CHP1: variants seen among roughly 807,000 people sequenced by gnomAD.
CHP1 encodes calcineurin B homologous protein 1.
Under a neutral mutation model 27.4 loss-of-function variants are expected in CHP1, and 11 were observed. The observed-to-expected ratio is 0.40, with a 90% CI of 0.25 to 0.67. CHP1 has a LOEUF of 0.67. Among genes scored for constraint, CHP1 ranks in the 30% least tolerant of loss-of-function variants. The pLI is 0.38. For missense variants in CHP1, 169 were observed against 251.3 expected, an observed-to-expected ratio of 0.67 and a Z score of 2.22; for synonymous variants, 89 against 87.4, an observed-to-expected ratio of 1.02 and a Z score of -0.10.
chr15:41,247,446 G>T (rs2140927711), intron 2 of CHP1, among the ~76,000 whole-genome samples: 1 of 151,862 alleles, frequency 6.6e-6, no homozygotes, highest in East Asian at 1.9e-4. Flanking sequence ...GAGATGGGTG[G>T]ATCAGCTGAG....
At chr15:41,270,530 G>T (rs554968314) in intron 4 of CHP1, 27 bp from the exon 5 acceptor site, 76 of 1,587,694 alleles carry the variant, frequency 4.8e-5, no homozygotes, top group Non-Finnish European at 6.1e-5. Context: ...ACAGAATTTT[G>T]ACTAACTTTG....
intron 3 of CHP1, among the ~76,000 whole-genome samples, chr15:41,262,551 G>A (rs1486496829): frequency 1.3e-5 from 2 of 152,150 alleles, no homozygotes; most frequent in Non-Finnish European, 2.9e-5. Context: ...TTATAAAGTG[G>A]GAGTAATAGC....
chr15:41,264,064 C>T (rs1301320035), intron 4 of CHP1: 2 of 545,756 alleles, frequency 3.7e-6, no homozygotes, highest in Admixed American at 3.0e-5. Context: ...TTTCTCTTTA[C>T]TCTGCCATCC....
At position 41,278,787 on chromosome 15, in the gene CHP1, A is replaced by G; in HGVS notation, c.432A>G (p.Gly144=). The G allele has an allele frequency of 6.2e-7, 1 of 1,614,150 alleles. No individual in the cohort carries two copies. The highest frequency in any genetic ancestry group is 1.1e-5 in the South Asian group (1 of 91,092). ...TCCAGGTGCTACGCATGATGGTCGG[A>G]GTAAATATCTCAGATGAGCAGCTGG... ...ELLQVLRMMV[G]VNISDEQLGS... Residue 144 remains glycine, a synonymous_variant, in exon 6 of 7, where the codon GGA becomes GGG. Coordinates refer to ENST00000334660, the MANE Select transcript of CHP1 (RefSeq NM_007236.5).
chr15:41,256,645 C>T (rs1240242614), intron 2 of CHP1: 1 of 462,340 alleles, frequency 2.2e-6, no homozygotes, highest in Non-Finnish European at 3.9e-6. Flanking sequence ...ATTTGTCCAT[C>T]AGTTGGCTTA....
chr15:41,244,196 TAA>T (rs35765288), intron 2 of CHP1, among the ~76,000 whole-genome samples: 22 of 129,050 alleles, frequency 1.7e-4, no homozygotes, highest in Admixed American at 2.4e-4. Context: ...AGACTCCATC[TAA>T]AAAAAAAAAA....
chr15:41,250,728 CA>C (rs2047362189), intron 2 of CHP1, among the ~76,000 whole-genome samples: 1 of 149,808 alleles, frequency 6.7e-6, no homozygotes, highest in Non-Finnish European at 1.5e-5. Flanking sequence ...TAAGAAGGTT[CA>C]CCTAATGCTG....
intron 5 of CHP1, 57 bp from the exon 6 acceptor site, chr15:41,278,707 TTAG>T: frequency 6.2e-7 from 1 of 1,605,738 alleles, no homozygotes. Context: ...ATTTTTAATC[TTAG>T]TAAAGAGTCC....
chr15:41,272,359 G>C (rs1176522434), intron 5 of CHP1: 1 of 152,058 alleles, frequency 6.6e-6, no homozygotes, highest in African/African-American at 2.4e-5. Context: ...AATAAAGATA[G>C]TTACTCTTCT....
At chr15:41,264,871 C>T (rs1371751721) in intron 4 of CHP1, among the ~76,000 whole-genome samples, 1 of 152,124 alleles carries the variant, frequency 6.6e-6, no homozygotes, top group Non-Finnish European at 1.5e-5. Context: ...CCAGTAAAAC[C>T]GAAGCTATTC....
At chr15:41,240,027 C>T (rs888180660) in intron 1 of CHP1, among the ~76,000 whole-genome samples, 3 of 152,092 alleles carry the variant, frequency 2.0e-5, no homozygotes, top group African/African-American at 4.8e-5. Context: ...CCGCCCGCCT[C>T]GGCCTCCCAA....
chr15:41,280,505 A>ATT lies in CHP1; in HGVS notation c.*1142_*1143dup, dbSNP rs34921023. On this transcript the variant is annotated 3_prime_UTR_variant, in exon 7 of 7. Coordinates refer to ENST00000334660, the MANE Select transcript of CHP1 (RefSeq NM_007236.5). ...GGAAGTGCCTAATATCCCAGTCCAA[A>ATT]TTTTTTTTTTTTTTTTTTTTTTTTT... is the stretch of plus-strand genomic sequence containing the variant. 0.16 allele frequency: 17,673 copies of ATT among 111,286 alleles called. 2,625 individuals are homozygous for ATT. Among genetic ancestry groups the ATT allele is most frequent in the Non-Finnish European group, 0.21 (11,959 of 56,526 alleles). 6.9% of individuals were successfully genotyped at this position (111,286 alleles called of 1,614,324 possible).
chr15:41,231,625 G>T (rs534126977), intron 1 of CHP1, among the ~76,000 whole-genome samples, 176 bp downstream of exon 1: 1 of 152,180 alleles, frequency 6.6e-6, no homozygotes, highest in South Asian at 2.1e-4. Flanking sequence ...GCTTCCTGGA[G>T]CGGGGCTCTA....
chr15:41,237,944 G>A (rs2047285874), intron 1 of CHP1, among the ~76,000 whole-genome samples: 1 of 152,036 alleles, frequency 6.6e-6, no homozygotes, highest in Non-Finnish European at 1.5e-5. Flanking sequence ...TCTTGACCTC[G>A]TAATCCACCC....
chr15:41,238,271 C>T (rs1366265629), intron 1 of CHP1, among the ~76,000 whole-genome samples: 3 of 152,022 alleles, frequency 2.0e-5, no homozygotes, highest in African/African-American at 7.2e-5. Context: ...AGTCCTTCTG[C>T]CTCTGCCTCC....
At chr15:41,235,848 A>G (rs1478514132) in intron 1 of CHP1, among the ~76,000 whole-genome samples, 1 of 152,168 alleles carries the variant, frequency 6.6e-6, no homozygotes, top group Middle Eastern at 3.2e-3. Context: ...CACAGCCCTC[A>G]CCAGCCTGAA....
intron 3 of CHP1, among the ~76,000 whole-genome samples, chr15:41,260,510 T>C (rs896867548): frequency 3.3e-5 from 5 of 151,210 alleles, no homozygotes; most frequent in African/African-American, 4.9e-5. Flanking sequence ...TTCTCCTGCC[T>C]CAGGCTCTCA....
chr15:41,265,357 C>T, intron 4 of CHP1, among the ~76,000 whole-genome samples: 1 of 93,520 alleles, frequency 1.1e-5, no homozygotes, highest in Admixed American at 1.8e-4. Context: ...GAGCGAGACT[C>T]TGTCTCAAAA....
intron 3 of CHP1, among the ~76,000 whole-genome samples, chr15:41,262,426 G>A (rs2047438303): frequency 6.6e-6 from 1 of 152,140 alleles, no homozygotes; most frequent in African/African-American, 2.4e-5. Context: ...AGTTCTGGCT[G>A]TCTTGTATAG....
Sources: gnomAD v4.1 joint callset for allele counts (sites outside exome capture counted in the v4.1 genomes callset) on GRCh38, gnomAD v4.1.1 for gene constraint, MANE v1.5 for transcripts, NCBI Gene and HGNC (gene_info 2026-07-23, HGNC 2026-07-21) for gene names.